Variants in DOCK6 observed in about 807,000 individuals in gnomAD.
DOCK6 encodes the protein dedicator of cytokinesis protein 6.
Under a neutral mutation model 230.3 loss-of-function variants are expected in DOCK6, and 167 were observed. The ratio of observed to expected loss-of-function variants is 0.73; its 90% confidence interval spans 0.64 to 0.82. The LOEUF (loss-of-function observed/expected upper bound fraction) is 0.82, where lower values mean the gene tolerates loss of function less well. Ranked by LOEUF, DOCK6 falls within the 40% of genes least tolerant of loss-of-function variation. The pLI is 0.00. For synonymous variants in DOCK6, 1,148 were observed against 1,185.0 expected (o/e 0.97, Z 0.64); for missense variants, 2,598 against 2,825.8 (o/e 0.92, Z 1.83).
Position 11,211,886 on chromosome 19 carries a change from G to C in DOCK6, c.4651-10C>G. ...ACATCAGGTCCTGGACCTGGAGCCG[G>C]GGAACGTCCAGGGGCCAATGAGAGC... On this transcript the variant is annotated splice_polypyrimidine_tract_variant and intron_variant, in intron 36 of 47. Coordinates refer to ENST00000294618, the MANE Select transcript of DOCK6 (RefSeq NM_020812.4). 6.4e-7 allele frequency: 1 copy of C among 1,555,330 alleles called. No individual in the cohort carries two copies. The highest frequency in any genetic ancestry group is 8.7e-7 in the Non-Finnish European group (1 of 1,148,582).
chr19:11,228,498 G>C (rs115716512), intron 23 of DOCK6, among the ~76,000 whole-genome samples: 134 of 144,508 alleles, frequency 9.3e-4, no homozygotes, highest in Middle Eastern at 6.9e-3. Flanking sequence ...CCTAGGTTGT[G>C]GGGGGGGGTC....
At position 11,243,977 on chromosome 19, in the gene DOCK6, C is replaced by G. The variant is rs2079993175; in HGVS notation, c.1024-95G>C. 1 of 1,328,002 alleles carries G rather than the reference C, an allele frequency of 7.5e-7. No individual in the cohort carries two copies. The highest frequency in any genetic ancestry group is 1.3e-5 in the South Asian group (1 of 78,886). 82.3% of individuals were successfully genotyped at this position (1,328,002 alleles called of 1,614,324 possible). A position where few individuals can be genotyped will look rare whatever the true frequency, so the allele number is the denominator to read the frequency against. On this transcript the variant is annotated intron_variant, in intron 9 of 47. Coordinates refer to ENST00000294618, the MANE Select transcript of DOCK6 (RefSeq NM_020812.4). The surrounding 1 kb of genome is among the most constrained non-coding windows in gnomAD (Gnocchi z 6.3). ...GCCTCCTGGACCCCTCATGGGCCCT[C>G]GGACACTCCTAACATATGAAGGCCT...
At chr19:11,208,383 C>T (rs1280660783) in intron 39 of DOCK6, 2 of 202,658 alleles carry the variant, frequency 9.9e-6, no homozygotes, top group Non-Finnish European at 2.0e-5. Flanking sequence ...CTGGGTCAAG[C>T]GATTCTCCTG....
intron 1 of DOCK6, among the ~76,000 whole-genome samples, chr19:11,255,193 C>T (rs1294042684): frequency 2.0e-5 from 3 of 152,078 alleles, no homozygotes; most frequent in Admixed American, 1.3e-4. Context: ...TTAGCAGAGA[C>T]GGGGTTTCAC....
rs1247041736 is a variant in DOCK6 at position 11,235,605 on chromosome 19, G to A, written c.2547C>T (p.Leu849=). The part of the protein sequence containing the change: ...AFRLPGTEPS[L]PDGAPPVTVQ... The stretch of plus-strand genomic sequence containing the variant: ...GGATTTCTACAAACTCACCATCCGG[G>A]AGGCTGGGCTCAGTGCCAGGAAGGC... Residue 849 remains leucine (L), a synonymous_variant, in exon 21 of 48, where the codon CTC becomes CTT. Coordinates refer to ENST00000294618, the MANE Select transcript of DOCK6 (RefSeq NM_020812.4). 1 of 1,588,828 alleles carries A rather than the reference G, an allele frequency of 6.3e-7. No homozygotes were observed.
At position 11,241,636 on chromosome 19, in the gene DOCK6, G is replaced by T. The variant is rs541695168; in HGVS notation, c.1643+409C>A. 5 of 1,568,898 alleles carry T rather than the reference G, an allele frequency of 3.2e-6. No individual in the cohort carries two copies. The African/African-American group carries it at 6.8e-5, about 21-fold the overall frequency. Reference sequence around the variant, plus strand: ...GCTGGAAAGGGGCCCCCTCACCTGGGCTGAGCCACATCTCCCTCCCCAGAC... The same window carrying T: ...GCTGGAAAGGGGCCCCCTCACCTGGTCTGAGCCACATCTCCCTCCCCAGAC... On this transcript the variant is annotated intron_variant, in intron 14 of 47. Coordinates refer to ENST00000294618, the MANE Select transcript of DOCK6 (RefSeq NM_020812.4).
At chr19:11,234,024 G>A (rs924582327) in intron 21 of DOCK6, among the ~76,000 whole-genome samples, 9 of 151,336 alleles carry the variant, frequency 5.9e-5, no homozygotes, top group South Asian at 2.1e-4. Flanking sequence ...TTAATGAGAC[G>A]GAGTCTTGCT....
In DOCK6 at chr19:11,214,374, C is replaced by T; in HGVS notation, c.4239G>A (p.Leu1413=). 10 of 1,613,608 alleles carry T rather than the reference C, an allele frequency of 6.2e-6. No individual in the cohort carries two copies. The highest frequency in any genetic ancestry group is 7.6e-6 in the Non-Finnish European group (9 of 1,179,792). The change falls in exon 34 of 48, where the codon TTG becomes TTA. Residue 1413 remains leucine, a synonymous_variant. Coordinates refer to ENST00000294618, the MANE Select transcript of DOCK6 (RefSeq NM_020812.4). ...VMLSEARESV[L]GAVLKVVLYS... ...ACAGCACAACCTTCAGCACTGCCCC[C>T]AAGACGCTCTCCCGGGCTTCTGAAA...
chr19:11,199,490 T>C lies in DOCK6; in HGVS notation c.*7A>G. The C allele has an allele frequency of 6.3e-7, 1 of 1,580,030 alleles. No homozygotes were observed. The highest frequency in any genetic ancestry group is 2.3e-5 in the East Asian group (1 of 43,368). ...TTCCTCTAGGTACAGCTTTGGTCCT[T>C]GTGGGCTCAGAGGTCTGCCTTTCGG... On this transcript the variant is annotated 3_prime_UTR_variant, in exon 48 of 48. Transcript: ENST00000294618.
chr19:11,257,555 G>A (rs1387928489), intron 1 of DOCK6, among the ~76,000 whole-genome samples: 5 of 147,650 alleles, frequency 3.4e-5, no homozygotes, highest in Admixed American at 1.4e-4. Context: ...TCGGGAGGCC[G>A]AGGCGGGCAG....
intron 1 of DOCK6, among the ~76,000 whole-genome samples, chr19:11,257,508 G>T (rs748336216): frequency 3.5e-5 from 2 of 56,544 alleles, no homozygotes; most frequent in Non-Finnish European, 4.3e-5. Context: ...AAAAAAAAAA[G>T]CTGGGCACTG....
In DOCK6 at chr19:11,243,374, C is replaced by T; in HGVS notation, c.1270G>A (p.Ala424Thr). 1 of 1,601,876 alleles carries T rather than the reference C, an allele frequency of 6.2e-7. No homozygotes were observed. The highest frequency in any genetic ancestry group is 8.5e-7 in the Non-Finnish European group (1 of 1,174,904). ...CCCCGACGGCGGCGGTCTGTCCAGG[C>T]TGGCCGGCGCTCTAGGGGAGGGAAT... is the stretch of plus-strand genomic sequence containing the variant. ...DSDSEGERRP[A>T]WTDRRRRGPQ... The change falls in exon 12 of 48, where the codon GCC becomes ACC. Residue 424 changes from alanine to threonine, a missense_variant. Coordinates refer to ENST00000294618, the MANE Select transcript of DOCK6 (RefSeq NM_020812.4). The surrounding 1 kb of genome is among the most constrained non-coding windows in gnomAD (Gnocchi z 6.3).
chr19:11,217,173 A>G, intron 29 of DOCK6, 58 bp downstream of exon 29: 1 of 1,599,030 alleles, frequency 6.3e-7, no homozygotes, highest in Non-Finnish European at 8.5e-7. Context: ...GTATCTTGAT[A>G]CATGACTTCT....
At chr19:11,216,028 C>T (rs905294215) in intron 30 of DOCK6, 101 bp from the exon 31 acceptor site, 128 of 1,473,890 alleles carry the variant, frequency 8.7e-5, no homozygotes, top group Non-Finnish European at 1.2e-4. Context: ...CACCTCCGGG[C>T]CCCTGTGCTT....
At chr19:11,239,679 G>A (rs748522487) in intron 14 of DOCK6, 1 of 1,613,762 alleles carries the variant, frequency 6.2e-7, no homozygotes. Flanking sequence ...CCCTGGCAAT[G>A]GTGACCCGGC....
chr19:11,216,852 C>G (rs961870568), intron 30 of DOCK6, 62 bp downstream of exon 30: 2 of 1,565,568 alleles, frequency 1.3e-6, no homozygotes, highest in African/African-American at 2.7e-5. Context: ...CCGCAGCACG[C>G]TGGGTCCCTG....
intron 39 of DOCK6, among the ~76,000 whole-genome samples, chr19:11,206,586 AAG>A (rs946228028): frequency 1.3e-5 from 2 of 151,748 alleles, no homozygotes; most frequent in African/African-American, 4.8e-5. Flanking sequence ...AGAAAGAAAA[AAG>A]AGACTTAGGA....
Position 11,204,320 on chromosome 19 carries a change from G to C in DOCK6, c.5100C>G (p.Tyr1700Ter), listed in dbSNP as rs768245540. 1.5e-5 allele frequency: 24 copies of C among 1,611,908 alleles called. No homozygotes were observed. Among genetic ancestry groups the C allele is most frequent in the Non-Finnish European group, 4.2e-6 (5 of 1,179,058 alleles). Residue 1700 changes from tyrosine (Y) to a stop codon, truncating the protein, a stop_gained, in exon 40 of 48, where the codon TAC (tyrosine) becomes TAG (stop). Transcript: ENST00000294618. LOFTEE classifies it high-confidence loss of function. ...AAGYFTMGGL[Y>*]EAVNEVYKNL... ...TCTTGTAGACCTCATTCACCGCCTC[G>C]TAGAGCCCGCCCTGAGGGTGAGGTG... is the stretch of plus-strand genomic sequence containing the variant.
At position 11,250,859 on chromosome 19, in the gene DOCK6, G is replaced by A. The variant is rs773982322; in HGVS notation, c.720+15C>T. 4 of 1,591,298 alleles carry A rather than the reference G, an allele frequency of 2.5e-6. No homozygotes were observed. The South Asian group carries it at 4.4e-5, about 18-fold the overall frequency. On this transcript the variant is annotated intron_variant, in intron 6 of 47. Transcript: ENST00000294618. The stretch of plus-strand genomic sequence containing the variant: ...GTAAATGCTGGTTGGCTGATATCTG[G>A]GAAGGGGCACCCACCTCGTCAGGTG...
Sources: gnomAD v4.1 joint callset for allele counts (sites outside exome capture counted in the v4.1 genomes callset) on GRCh38, gnomAD v4.1.1 for gene constraint, Gnocchi (gnomAD v3.1) non-coding constraint, MANE v1.5 for transcripts, NCBI Gene and HGNC (gene_info 2026-07-23, HGNC 2026-07-21) for gene names.